PTPRN: variants seen among roughly 807,000 people sequenced by gnomAD.
PTPRN encodes receptor-type tyrosine-protein phosphatase-like N.
In PTPRN, 70 loss-of-function variants were observed where a neutral mutation model predicts 108.5. That is an observed-to-expected ratio of 0.65 (90% CI 0.53 to 0.79). PTPRN has a LOEUF of 0.79. Among genes scored for constraint, PTPRN ranks in the 30% least tolerant of loss-of-function variants. The probability of loss-of-function intolerance (pLI) is 0.00; values close to 1 mark genes in which losing one functional copy is unlikely to be tolerated. For missense variants in PTPRN, 1,136 were observed against 1,295.5 expected (o/e 0.88, Z 1.89); for synonymous variants, 496 against 524.6 (o/e 0.95, Z 0.75).
In PTPRN at chr2:219,295,084, G is replaced by A; in HGVS notation, c.2566C>T (p.Leu856=). The change falls in exon 19 of 23, where the codon CTG becomes TTG. Residue 856 remains leucine, a synonymous_variant. Coordinates refer to ENST00000295718, the MANE Select transcript of PTPRN (RefSeq NM_002846.4). ...CEDFLVRSFY[L]KNVQTQETRT... is the part of the protein sequence containing the mutation. ...GTCTCCTGGGTCTGCACGTTCTTCA[G>A]GTAGAAGCTCCGCACCAGAAAGTCC... 4.3e-6 allele frequency: 7 copies of A among 1,613,562 alleles called. No homozygotes were observed. The highest frequency in any genetic ancestry group is 1.1e-5 in the South Asian group (1 of 91,016).
intron 3 of PTPRN, among the ~76,000 whole-genome samples, chr2:219,304,699 C>T (rs1234521059): frequency 3.3e-5 from 5 of 152,216 alleles, no homozygotes; most frequent in African/African-American, 9.6e-5. Flanking sequence ...GCCAGTTCCT[C>T]TGAGCACTAG....
rs767843180 is a variant in PTPRN at position 219,309,316 on chromosome 2, C to G, written c.17G>C (p.Arg6Pro). Residue 6 changes from arginine to proline, a missense_variant, in exon 1 of 23, where the codon CGG (arginine) becomes CCG (proline). Transcript: ENST00000295718. ...CCCGGATCCCCCGAGACCCCCAGGC[C>G]GCCGCGGGCGCCGCATCTTTCCGAG... MRRPR[R>P]PGGLGGSGGL... 7 of 1,478,132 alleles carry G rather than the reference C, an allele frequency of 4.7e-6. No individual in the cohort carries two copies. The East Asian group carries it at 1.9e-4, about 40-fold the overall frequency. 91.6% of individuals were successfully genotyped at this position (1,478,132 alleles called of 1,614,324 possible). A position where few individuals can be genotyped will look rare whatever the true frequency, so the allele number is the denominator to read the frequency against.
intron 3 of PTPRN, among the ~76,000 whole-genome samples, chr2:219,304,937 C>T (rs1952445719): frequency 1.3e-5 from 2 of 152,122 alleles, no homozygotes; most frequent in South Asian, 4.1e-4. Flanking sequence ...CTGACTGTAT[C>T]CAATTCCTTT....
At chr2:219,303,669 T>C (rs1952413089) in intron 4 of PTPRN, 66 bp downstream of exon 4, 4 of 1,473,252 alleles carry the variant, frequency 2.7e-6, no homozygotes, top group Non-Finnish European at 3.8e-6. Context: ...CTTCTCTCCA[T>C]CAATTAGGAC....
intron 3 of PTPRN, 99 bp downstream of exon 3, chr2:219,307,345 C>G: frequency 1.0e-6 from 1 of 992,232 alleles, no homozygotes. Flanking sequence ...GAGGCTCCAG[C>G]AGTGGGGGTG....
chr2:219,302,256 C>G lies in PTPRN; in HGVS notation c.875G>C (p.Arg292Thr). 1.2e-6 allele frequency: 2 copies of G among 1,614,202 alleles called. No homozygotes were observed. The highest frequency in any genetic ancestry group is 1.7e-6 in the Non-Finnish European group (2 of 1,180,014). ...CCCTTGCTCTGGCAGCCTTGGCACCCTGGCCCTGCTGGGTGCTGGCAACTC... is the reference window on the plus strand; with the variant it reads ...CCCTTGCTCTGGCAGCCTTGGCACCGTGGCCCTGCTGGGTGCTGGCAACTC... ...AQELPAPSRA[R>T]VPRLPEQGSS... Residue 292 changes from arginine (R) to threonine (T), a missense_variant, in exon 6 of 23, where the codon AGG (arginine) becomes ACG (threonine). By Grantham distance (71) the Arg-to-Thr change is moderately conservative. Transcript: ENST00000295718.
rs183397526 is a variant in PTPRN, at chr2:219,305,213, A to G, written c.281-1382T>C. Among the ~76,000 whole-genome samples the G allele has an allele frequency of 1.7e-3, 255 of 151,592 alleles. 2 individuals carry two copies. Among genetic ancestry groups the G allele is most frequent in the African/African-American group, 5.8e-3 (240 of 41,252 alleles). On this transcript the variant is annotated intron_variant, in intron 3 of 22. Transcript: ENST00000295718. ...CCCCTTCTCAGTCTCCCTGAGAGGA[A>G]GTTGATGGTTCCTCTCTTTATCCTG...
At chr2:219,302,093 C>A (rs775681155) in intron 6 of PTPRN, 44 bp downstream of exon 6, 6 of 1,502,032 alleles carry the variant, frequency 4.0e-6, no homozygotes, top group Non-Finnish European at 4.5e-6. Context: ...ATGGTTCCCC[C>A]AAAGCAGCCC....
At chr2:219,299,904 G>T in intron 9 of PTPRN, 81 bp downstream of exon 9, 2 of 1,585,316 alleles carry the variant, frequency 1.3e-6, no homozygotes, top group South Asian at 2.3e-5. Context: ...TGCACGTCTG[G>T]ATTTCTGCCC....
In PTPRN at chr2:219,295,083, A is replaced by C. The variant is rs377554722; in HGVS notation, c.2567T>G (p.Leu856Arg). The C allele has an allele frequency of 2.5e-6, 4 of 1,613,350 alleles. No individual in the cohort carries two copies. Among genetic ancestry groups the C allele is most frequent in the Admixed American group, 1.7e-5 (1 of 59,966 alleles). ...CGTCTCCTGGGTCTGCACGTTCTTCAGGTAGAAGCTCCGCACCAGAAAGTC... is the reference window on the plus strand; with the variant it reads ...CGTCTCCTGGGTCTGCACGTTCTTCCGGTAGAAGCTCCGCACCAGAAAGTC... The part of the protein sequence containing the change: ...CEDFLVRSFY[L>R]KNVQTQETRT... Residue 856 changes from leucine (L) to arginine (R), a missense_variant, in exon 19 of 23, where the codon CTG becomes CGG. Coordinates refer to ENST00000295718, the MANE Select transcript of PTPRN (RefSeq NM_002846.4).
chr2:219,291,279 CTTTTCTTCTT>C (rs1952048207), intron 20 of PTPRN, among the ~76,000 whole-genome samples, 181 bp downstream of exon 20: 1 of 152,154 alleles, frequency 6.6e-6, no homozygotes, highest in Admixed American at 6.5e-5. Context: ...GTATCACATA[CTTTTCTTCTT>C]TTTTCTTCAC....
Position 219,290,098 on chromosome 2 carries a change from A to G in PTPRN, c.*128T>C, listed in dbSNP as rs1007751246. The G allele has an allele frequency of 7.8e-6, 7 of 894,338 alleles. No homozygotes were observed. Among genetic ancestry groups the G allele is most frequent in the Middle Eastern group, 2.3e-4 (1 of 4,374 alleles). The allele number at this position is 894,338 out of a possible 1,614,324, so 55.4% of individuals were successfully genotyped here. ...TGCCCCTTCTGGCTTTCCCTTCCTG[A>G]CTCTTCTAGGAAGGGCTGAGCATGC... On this transcript the variant is annotated 3_prime_UTR_variant, in exon 23 of 23. Transcript: ENST00000295718. The surrounding 1 kb of genome is among the most constrained non-coding windows in gnomAD (Gnocchi z 4.2).
chr2:219,291,901 C>T, intron 19 of PTPRN: 1 of 297,488 alleles, frequency 3.4e-6, no homozygotes, highest in South Asian at 3.8e-5. Context: ...ACAATAGGTG[C>T]TCAATACATG....
chr2:219,305,227 C>G (rs570507024), intron 3 of PTPRN, among the ~76,000 whole-genome samples: 55 of 151,750 alleles, frequency 3.6e-4, no homozygotes, highest in Non-Finnish European at 6.6e-4. Flanking sequence ...GATGGTTCCT[C>G]TCTTTATCCT....
chr2:219,291,112 T>C (rs1983298), intron 20 of PTPRN, among the ~76,000 whole-genome samples: 12,912 of 151,974 alleles, frequency 0.085, 637 homozygotes, highest in Middle Eastern at 0.14. Context: ...GTGGGTGTCA[T>C]TTGGGCAATG....
intron 5 of PTPRN, 26 bp from the exon 6 acceptor site, chr2:219,302,517 A>G: frequency 6.2e-7 from 1 of 1,613,824 alleles, no homozygotes; most frequent in Non-Finnish European, 8.5e-7. Context: ...GATCTGGGTA[A>G]GAGCAGAAGT....
chr2:219,307,601 G>A (rs1952516286), intron 2 of PTPRN, 44 bp from the exon 3 acceptor site: 1 of 1,564,694 alleles, frequency 6.4e-7, no homozygotes, highest in Non-Finnish European at 8.8e-7. Flanking sequence ...TGAATAAGAG[G>A]CCTTCCAAAG....
In PTPRN at chr2:219,296,316, G is replaced by A. The variant is rs761397429; in HGVS notation, c.2418C>T (p.Ile806=). ...QMVWESGCTV[I]VMLTPLVEDG... ...CCTCCACCAGCGGGGTCAGCATGAC[G>A]ATGACGGTGCAGCCGCTCTCCCACA... Residue 806 remains isoleucine, a synonymous_variant, in exon 18 of 23, where the codon ATC becomes ATT. Coordinates refer to ENST00000295718, the MANE Select transcript of PTPRN (RefSeq NM_002846.4). This position sits in a 1 kb window ranked among gnomAD's most constrained non-coding sequence, Gnocchi z 6.0. The A allele has an allele frequency of 4.5e-5, 72 of 1,614,008 alleles. No individual in the cohort carries two copies. The highest frequency in any genetic ancestry group is 4.5e-5 in the East Asian group (2 of 44,874).
Position 219,294,999 on chromosome 2 carries a change from G to C in PTPRN, c.2651C>G (p.Thr884Arg). Residue 884 changes from threonine to arginine, a missense_variant, in exon 19 of 23, where the codon ACG becomes AGG. Transcript: ENST00000295718. ...CCTGCGGAAGTCCAGCAGGGGCCGCGTGGAGGCCGGTGTGCCCTCTGCCGG... is the reference window on the plus strand; with the variant it reads ...CCTGCGGAAGTCCAGCAGGGGCCGCCTGGAGGCCGGTGTGCCCTCTGCCGG... ...SWPAEGTPAS[T>R]RPLLDFRRKV... The C allele has an allele frequency of 6.2e-7, 1 of 1,601,932 alleles. No individual in the cohort carries two copies. Among genetic ancestry groups the C allele is most frequent in the Non-Finnish European group, 8.5e-7 (1 of 1,174,882 alleles).
Sources: gnomAD v4.1 joint callset for allele counts (sites outside exome capture counted in the v4.1 genomes callset) on GRCh38, gnomAD v4.1.1 for gene constraint, Gnocchi (gnomAD v3.1) non-coding constraint, MANE v1.5 for transcripts, NCBI Gene and HGNC (gene_info 2026-07-23, HGNC 2026-07-21) for gene names.